Variants in CBL observed in about 807,000 individuals in gnomAD.
CBL encodes the protein Cbl proto-oncogene, also known as E3 ubiquitin-protein ligase CBL.
In CBL, 45 loss-of-function variants were observed where a neutral mutation model predicts 96.9. The observed-to-expected ratio is 0.46, with a 90% CI of 0.37 to 0.60. The LOEUF (loss-of-function observed/expected upper bound fraction) is 0.60. CBL is among the 20% of genes least tolerant of loss of function. The pLI is 0.00. For synonymous variants in CBL, 420 were observed against 426.8 expected, an observed-to-expected ratio of 0.98 and a Z score of 0.20; for missense variants, 1,024 against 1,143.5, an observed-to-expected ratio of 0.90 and a Z score of 1.51.
intron 2 of CBL, among the ~76,000 whole-genome samples, chr11:119,264,237 G>A (rs945372936): frequency 2.0e-5 from 3 of 152,072 alleles, no homozygotes; most frequent in Non-Finnish European, 2.9e-5. Context: ...TTTTTGGTTT[G>A]TTTTTAGAGA....
In CBL at chr11:119,298,461, G is replaced by A. The variant is rs1441277504; in HGVS notation, c.2355G>A (p.Leu785=). The change falls in exon 15 of 16, where the codon CTG becomes CTA. Residue 785 remains leucine (L), a synonymous_variant. Transcript: ENST00000264033. ...CAAAGCCACCTGTGCCGGCCGTGCTGGCCCGCCGAACTCTCTCAGATATCT... is the reference window on the plus strand; with the variant it reads ...CAAAGCCACCTGTGCCGGCCGTGCTAGCCCGCCGAACTCTCTCAGATATCT... The part of the protein sequence containing the change: ...DVPKPPVPAV[L]ARRTLSDISN... 3 of 1,614,198 alleles carry A rather than the reference G, an allele frequency of 1.9e-6. No homozygotes were observed. The highest frequency in any genetic ancestry group is 2.5e-6 in the Non-Finnish European group (3 of 1,180,026).
intron 2 of CBL, among the ~76,000 whole-genome samples, chr11:119,256,124 T>C (rs951373676): frequency 2.0e-5 from 3 of 151,926 alleles, no homozygotes; most frequent in African/African-American, 7.3e-5. Context: ...ATAGAATCCA[T>C]TGCATTTTGT....
At chr11:119,245,254 T>C (rs577940827) in intron 2 of CBL, among the ~76,000 whole-genome samples, 19 of 152,010 alleles carry the variant, frequency 1.2e-4, no homozygotes, top group African/African-American at 3.9e-4. Context: ...TCTCAGCCTT[T>C]TGGTTTGAGG....
At chr11:119,272,045 C>T (rs1171816958) in intron 3 of CBL, among the ~76,000 whole-genome samples, 164 bp downstream of exon 3, 1 of 152,110 alleles carries the variant, frequency 6.6e-6, no homozygotes, top group Non-Finnish European at 1.5e-5. Flanking sequence ...TTGCTCTGTT[C>T]ATTGTTTTTA....
At chr11:119,265,171 G>T (rs1007199176) in intron 2 of CBL, among the ~76,000 whole-genome samples, 1 of 152,206 alleles carries the variant, frequency 6.6e-6, no homozygotes, top group East Asian at 1.9e-4. Flanking sequence ...GTGAGCTGCT[G>T]CGCCCAGCCT....
At chr11:119,212,916 T>C (rs1310686192) in intron 1 of CBL, among the ~76,000 whole-genome samples, 1 of 149,236 alleles carries the variant, frequency 6.7e-6, no homozygotes, top group Non-Finnish European at 1.5e-5. Context: ...GAGGTTGCAG[T>C]GAGCCAAGAT....
At chr11:119,281,492 GCC>G (rs1193003021) in intron 9 of CBL, among the ~76,000 whole-genome samples, 27 of 138,888 alleles carry the variant, frequency 1.9e-4, no homozygotes, top group African/African-American at 7.4e-4. Context: ...GTCACCAAAA[GCC>G]TTTTTTTTTT....
chr11:119,274,082 T>A, intron 4 of CBL, 58 bp downstream of exon 4: 1 of 192,954 alleles, frequency 5.2e-6, no homozygotes, highest in Non-Finnish European at 9.3e-6. Flanking sequence ...AAGAGAAAGC[T>A]TTTTTTTTTT....
chr11:119,260,461 C>T (rs1043266355), intron 2 of CBL, among the ~76,000 whole-genome samples: 1 of 151,866 alleles, frequency 6.6e-6, no homozygotes, highest in Admixed American at 6.6e-5. Context: ...CCAGGCTGGT[C>T]GGCTCAGCTT....
In CBL at chr11:119,271,036, A is replaced by C. The variant is rs1023332276; in HGVS notation, c.444-699A>C. On this transcript the variant is annotated intron_variant, in intron 2 of 15. Transcript: ENST00000264033. ...AGGAAGAGGAGTTTGGGTAAAATTT[A>C]TCTCTTTAAGGTCTGGTTCAGTGAA... Among the ~76,000 whole-genome samples the C allele has an allele frequency of 2.6e-5, 4 of 152,322 alleles. No individual in the cohort carries two copies. The South Asian group carries it at 6.2e-4, about 24-fold the overall frequency.
At chr11:119,277,634 GA>G in intron 6 of CBL, 122 bp from the exon 7 acceptor site, 2 of 686,558 alleles carry the variant, frequency 2.9e-6, no homozygotes, top group Non-Finnish European at 5.4e-6. Flanking sequence ...AAGTAAGATT[GA>G]TCTTTATACT....
At chr11:119,274,297 A>G (rs559295432) in intron 4 of CBL, among the ~76,000 whole-genome samples, 3 of 152,188 alleles carry the variant, frequency 2.0e-5, no homozygotes, top group Admixed American at 1.3e-4. Context: ...CTTTTGTATC[A>G]TTTTAATGTT....
chr11:119,278,730 G>A lies in CBL; in HGVS notation c.1431+17G>A, dbSNP rs1949909892. On this transcript the variant is annotated intron_variant, in intron 9 of 15. Transcript: ENST00000264033. ...GGTGCCAAGGTAAGATGGCAGTTTA[G>A]GAGACTGGCAAAATCCATTGTGAGT... 6 of 1,602,590 alleles carry A rather than the reference G, an allele frequency of 3.7e-6. No individual in the cohort carries two copies. The highest frequency in any genetic ancestry group is 2.7e-5 in the African/African-American group (2 of 74,810).
Position 119,284,959 on chromosome 11 carries a change from T to C in CBL, c.1432-10T>C, listed in dbSNP as rs369724825. The C allele has an allele frequency of 8.7e-6, 14 of 1,613,988 alleles. No individual in the cohort carries two copies. The highest frequency in any genetic ancestry group is 5.9e-6 in the Non-Finnish European group (7 of 1,180,046). ...CGAAAGTAATCTGTTAAATTTTTTA[T>C]GTACCCTAGGTGGAACGGCCGCCTT... On this transcript the variant is annotated splice_polypyrimidine_tract_variant and intron_variant, in intron 9 of 15. Coordinates refer to ENST00000264033, the MANE Select transcript of CBL (RefSeq NM_005188.4).
rs71048054 is a variant in CBL at position 119,245,956 on chromosome 11, C to CTTTTTTTTTTTT, written c.443+13284_443+13295dup. Among the ~76,000 whole-genome samples the CTTTTTTTTTTTT allele has an allele frequency of 4.1e-4, 22 of 54,300 alleles. 6 individuals carry two copies. The highest frequency in any genetic ancestry group is 7.3e-4 in the Admixed American group (2 of 2,728). 35.6% of individuals were successfully genotyped at this position (54,300 alleles called of 152,430 possible). A position where few individuals can be genotyped will look rare whatever the true frequency, so the allele number is the denominator to read the frequency against. ...TAAGACAGACGCATTCTTTGCAAAT[C>CTTTTTTTTTTTT]TTTTTTTTTTTTTTTTTTTTTTTTT... is the stretch of plus-strand genomic sequence containing the variant. On this transcript the variant is annotated intron_variant, in intron 2 of 15. Transcript: ENST00000264033.
intron 12 of CBL, among the ~76,000 whole-genome samples, chr11:119,288,192 A>G (rs913294020): frequency 6.6e-6 from 1 of 152,128 alleles, no homozygotes; most frequent in Non-Finnish European, 1.5e-5. Context: ...AATTTTGGAT[A>G]TCTGCCATCT....
intron 6 of CBL, among the ~76,000 whole-genome samples, chr11:119,277,358 G>T (rs1949898072): frequency 6.6e-6 from 1 of 151,872 alleles, no homozygotes; most frequent in Admixed American, 6.6e-5. Context: ...TTCCCCCGGG[G>T]AGCCAAGATA....
At chr11:119,262,260 A>G (rs1265533522) in intron 2 of CBL, among the ~76,000 whole-genome samples, 2 of 152,250 alleles carry the variant, frequency 1.3e-5, no homozygotes, top group Admixed American at 1.3e-4. Context: ...AGGAAAGACT[A>G]AGAAATGATT....
chr11:119,218,935 G>T (rs1208314579), intron 1 of CBL, among the ~76,000 whole-genome samples: 1 of 152,152 alleles, frequency 6.6e-6, no homozygotes, highest in African/African-American at 2.4e-5. Flanking sequence ...TCTGAAGAAA[G>T]GTCTGGGCTC....
Sources: gnomAD v4.1 joint callset for allele counts (sites outside exome capture counted in the v4.1 genomes callset) on GRCh38, gnomAD v4.1.1 for gene constraint, MANE v1.5 for transcripts, NCBI Gene and HGNC (gene_info 2026-07-23, HGNC 2026-07-21) for gene names.